The following COL5A2 variants were observed in gnomAD, a reference collection of about 807,000 sequenced individuals.
The protein encoded by COL5A2 is collagen type V alpha 2 chain, also known as collagen alpha-2(V) chain.
Under a neutral mutation model 208.2 loss-of-function variants are expected in COL5A2, and 23 were observed. The ratio of observed to expected loss-of-function variants is 0.11; its 90% CI spans 0.08 to 0.16. The LOEUF is 0.16. Ranked by LOEUF, COL5A2 falls within the 10% of genes least tolerant of loss-of-function variation. The pLI is 1.00. For synonymous variants in COL5A2, 625 were observed against 628.5 expected (o/e 0.99, Z 0.08); for missense variants, 1,590 against 1,956.4 (o/e 0.81, Z 3.53).
chr2:189,371,285 T>C, the COL5A2 span, among the ~76,000 whole-genome samples: 1 of 152,160 alleles, frequency 6.6e-6, no homozygotes, highest in East Asian at 1.9e-4. Flanking sequence ...TATTCCTTTG[T>C]AGCAACGCAA....
chr2:189,132,191 C>A (rs182608030), intron 1 of COL5A2, among the ~76,000 whole-genome samples: 1 of 152,156 alleles, frequency 6.6e-6, no homozygotes, highest in Non-Finnish European at 1.5e-5. Flanking sequence ...TTTTATGATA[C>A]GTAATCATGG....
the COL5A2 span, among the ~76,000 whole-genome samples, chr2:189,379,563 G>A: frequency 2.6e-4 from 39 of 152,232 alleles, no homozygotes; most frequent in African/African-American, 8.4e-4. Context: ...AGATACTCGA[G>A]ATACTCAGCT....
At chr2:189,065,167 G>T in intron 23 of COL5A2, 110 bp from the exon 24 acceptor site, 1 of 949,792 alleles carries the variant, frequency 1.1e-6, no homozygotes, top group Non-Finnish European at 1.7e-6. Context: ...CCATCATCAA[G>T]CCAACATGGC....
chr2:189,097,527 A>G (rs1310798188), intron 5 of COL5A2, 197 bp from the exon 6 acceptor site: 2 of 691,172 alleles, frequency 2.9e-6, no homozygotes, highest in African/African-American at 3.5e-5. Context: ...TATCAGTGAC[A>G]TTTAAAGACC....
At chr2:189,248,013 A>T in the COL5A2 span, among the ~76,000 whole-genome samples, 2 of 152,366 alleles carry the variant, frequency 1.3e-5, no homozygotes, top group South Asian at 4.1e-4. Context: ...TTTTTCTAGA[A>T]ATAAAATTGT....
intron 4 of COL5A2, among the ~76,000 whole-genome samples, chr2:189,099,554 G>A (rs926815274): frequency 1.3e-5 from 2 of 152,160 alleles, no homozygotes; most frequent in African/African-American, 4.8e-5. Flanking sequence ...GAATCTGGGA[G>A]GTGGAGGTTG....
chr2:189,247,569 CA>C, the COL5A2 span, among the ~76,000 whole-genome samples: 10 of 144,374 alleles, frequency 6.9e-5, no homozygotes, highest in African/African-American at 7.7e-5. Context: ...AAGTCTTTTT[CA>C]AAAAAAAAAT....
the COL5A2 span, among the ~76,000 whole-genome samples, chr2:189,270,201 T>G: frequency 6.6e-6 from 1 of 152,080 alleles, no homozygotes; most frequent in East Asian, 1.9e-4. Flanking sequence ...GATTCATTGA[T>G]TTTTTTGAAG....
chr2:189,143,700 A>G (rs909620933), intron 1 of COL5A2, among the ~76,000 whole-genome samples: 5 of 152,158 alleles, frequency 3.3e-5, no homozygotes, highest in African/African-American at 1.2e-4. Context: ...ACAAATATAT[A>G]CCTTGCTTTG....
In COL5A2 at chr2:189,067,985, A is replaced by T. The variant is rs140002535; in HGVS notation, c.1401+30T>A. ...TGGCCCTCGTAGTTAGATTACACTA[A>T]AGGATGATAGTTCTTTCAAAGGTCA... On this transcript the variant is annotated intron_variant, in intron 21 of 53. Transcript: ENST00000374866. 1.4e-4 allele frequency: 220 copies of T among 1,552,368 alleles called. 1 individual carries two copies. The East Asian group carries it at 3.7e-3, about 26-fold the overall frequency.
intron 1 of COL5A2, among the ~76,000 whole-genome samples, chr2:189,175,433 T>C (rs1460125238): frequency 1.3e-5 from 2 of 151,792 alleles, no homozygotes; most frequent in Admixed American, 1.3e-4. Flanking sequence ...CCTAGAGATA[T>C]GGGAGCCAGG....
At chr2:189,104,733 ACAGGAGG>A (rs1687117667) in intron 2 of COL5A2, among the ~76,000 whole-genome samples, 1 of 151,616 alleles carries the variant, frequency 6.6e-6, no homozygotes, top group African/African-American at 2.4e-5. Context: ...CCCCACCCCC[ACAGGAGG>A]CCACTATTAT....
chr2:189,267,872 T>G, the COL5A2 span, among the ~76,000 whole-genome samples: 1 of 152,204 alleles, frequency 6.6e-6, no homozygotes, highest in South Asian at 2.1e-4. Flanking sequence ...TCTTGGCATA[T>G]ATTATATATT....
intron 1 of COL5A2, among the ~76,000 whole-genome samples, chr2:189,216,619 A>G (rs1004727093): frequency 6.6e-6 from 1 of 152,154 alleles, no homozygotes. Flanking sequence ...ATTCAAAAAA[A>G]GTAATACAGT....
At chr2:189,252,330 C>A in the COL5A2 span, among the ~76,000 whole-genome samples, 10 of 152,158 alleles carry the variant, frequency 6.6e-5, no homozygotes, top group Non-Finnish European at 1.5e-4. Flanking sequence ...TATTGCGGCA[C>A]TATTCACAAT....
chr2:189,245,245 A>T, the COL5A2 span, among the ~76,000 whole-genome samples: 1 of 152,136 alleles, frequency 6.6e-6, no homozygotes, highest in African/African-American at 2.4e-5. Context: ...CTATTTGAAT[A>T]ATTCAACAGG....
At chr2:189,212,767 A>G (rs1251271141) in intron 1 of COL5A2, among the ~76,000 whole-genome samples, 4 of 151,944 alleles carry the variant, frequency 2.6e-5, no homozygotes, top group African/African-American at 9.7e-5. Context: ...GGCAAGACCA[A>G]GATAAATTGG....
chr2:189,297,341 G>T, the COL5A2 span, among the ~76,000 whole-genome samples: 51 of 152,000 alleles, frequency 3.4e-4, no homozygotes, highest in Non-Finnish European at 5.6e-4. Flanking sequence ...TTATTTTAGG[G>T]CATTTTTTAA....
the COL5A2 span, among the ~76,000 whole-genome samples, chr2:189,239,227 A>G: frequency 1.3e-5 from 2 of 152,052 alleles, no homozygotes; most frequent in African/African-American, 4.8e-5. Flanking sequence ...TTTAATGTTT[A>G]TCTTCAGATT....
Sources: allele counts gnomAD v4.1 joint callset (sites outside exome capture counted in the v4.1 genomes callset), GRCh38; gene constraint gnomAD v4.1.1; transcripts MANE v1.5; gene names NCBI Gene and HGNC (gene_info 2026-07-23, HGNC 2026-07-21).